The following CDK17 variants were observed in gnomAD, a reference collection of about 807,000 sequenced individuals.
The protein encoded by CDK17 is cyclin dependent kinase 17.
A neutral mutation model predicts 77.6 loss-of-function variants in CDK17; 24 were observed. The ratio of observed to expected loss-of-function variants is 0.31; its 90% confidence interval spans 0.22 to 0.44. The LOEUF is 0.44. CDK17 is among the 20% of genes least tolerant of loss of function. The pLI, the probability that CDK17 is intolerant of heterozygous loss-of-function variation, is 1.00. For missense variants in CDK17, 429 were observed against 622.5 expected, an observed-to-expected ratio of 0.69 and a Z score of 3.31; for synonymous variants, 203 against 210.4, an observed-to-expected ratio of 0.96 and a Z score of 0.30.
chr12:96,367,344 C>CAAAAAAA (rs56689330), intron 1 of CDK17, among the ~76,000 whole-genome samples: 2 of 63,484 alleles, frequency 3.2e-5, no homozygotes, highest in Non-Finnish European at 2.7e-5. Context: ...GACTCCACCT[C>CAAAAAAA]AAAAAAAAAA....
intron 7 of CDK17, 65 bp from the exon 8 acceptor site, chr12:96,297,786 G>A: frequency 1.2e-6 from 1 of 823,112 alleles, no homozygotes; most frequent in African/African-American, 1.7e-5. Context: ...GAAGTAAGTT[G>A]AACATACGAA....
At chr12:96,393,759 TACTC>T (rs934385884) in intron 1 of CDK17, among the ~76,000 whole-genome samples, 34 of 149,350 alleles carry the variant, frequency 2.3e-4, no homozygotes, top group African/African-American at 6.8e-4. Flanking sequence ...CACACACACA[TACTC>T]AATGAAAAGC....
chr12:96,360,930 T>C (rs563064804), intron 1 of CDK17, among the ~76,000 whole-genome samples: 38 of 152,038 alleles, frequency 2.5e-4, no homozygotes, highest in African/African-American at 5.1e-4. Context: ...ACCAGGAAAA[T>C]TGGAGAACTG....
At chr12:96,361,210 G>C (rs1953488226) in intron 1 of CDK17, among the ~76,000 whole-genome samples, 2 of 152,202 alleles carry the variant, frequency 1.3e-5, no homozygotes, top group Non-Finnish European at 2.9e-5. Flanking sequence ...GAGGGGATGT[G>C]ATGAAGATGG....
At chr12:96,347,596 G>A (rs1953236314) in intron 1 of CDK17, among the ~76,000 whole-genome samples, 1 of 7,814 alleles carries the variant, frequency 1.3e-4, no homozygotes, top group Non-Finnish European at 2.8e-4. Context: ...GGGAGGGGAA[G>A]GGAGGGGAAG....
At chr12:96,281,807 G>C (rs1341952022) in intron 15 of CDK17, 1 of 152,102 alleles carries the variant, frequency 6.6e-6, no homozygotes, top group Non-Finnish European at 1.5e-5. Context: ...AATTAGCTTT[G>C]TCACTGACTG....
At chr12:96,347,297 C>G (rs987607128) in intron 1 of CDK17, among the ~76,000 whole-genome samples, 5 of 151,884 alleles carry the variant, frequency 3.3e-5, no homozygotes, top group African/African-American at 1.2e-4. Context: ...GGTGTGGTGG[C>G]TCATGCCTGT....
At chr12:96,321,860 G>A (rs1298733087) in intron 3 of CDK17, among the ~76,000 whole-genome samples, 1 of 138,786 alleles carries the variant, frequency 7.2e-6, no homozygotes, top group Non-Finnish European at 1.6e-5. Flanking sequence ...CCTAAGGCTA[G>A]ATGACGAGTT....
At chr12:96,377,068 A>G (rs1953791727) in intron 1 of CDK17, among the ~76,000 whole-genome samples, 1 of 152,192 alleles carries the variant, frequency 6.6e-6, no homozygotes, top group Non-Finnish European at 1.5e-5. Flanking sequence ...AATCACCTAT[A>G]TGGCCACAAC....
chr12:96,335,134 A>C (rs1953024724), intron 1 of CDK17: 1 of 471,610 alleles, frequency 2.1e-6, no homozygotes, highest in Non-Finnish European at 4.0e-6. Context: ...GAAGGATTGG[A>C]AATTTTCTTA....
intron 10 of CDK17, among the ~76,000 whole-genome samples, chr12:96,291,266 T>C (rs1385596646): frequency 6.6e-6 from 1 of 152,050 alleles, no homozygotes; most frequent in Non-Finnish European, 1.5e-5. Flanking sequence ...GCACTCAGAG[T>C]ATTCCCTGAT....
intron 2 of CDK17, among the ~76,000 whole-genome samples, chr12:96,324,452 T>C (rs1310791479): frequency 2.6e-5 from 4 of 152,186 alleles, no homozygotes; most frequent in Non-Finnish European, 4.4e-5. Context: ...CCTCCATTTA[T>C]TGACTACCTG....
Position 96,400,294 on chromosome 12 carries a change from G to C in CDK17, c.-338C>G, listed in dbSNP as rs2137261445. 7.7e-6 allele frequency: 3 copies of C among 390,514 alleles called. No homozygotes were observed. The highest frequency in any genetic ancestry group is 1.4e-5 in the Non-Finnish European group (3 of 220,732). 24.2% of individuals were successfully genotyped at this position (390,514 alleles called of 1,614,324 possible). A position where few individuals can be genotyped will look rare whatever the true frequency, so the allele number is the denominator to read the frequency against. On this transcript the variant is annotated 5_prime_UTR_variant, in exon 1 of 17. Coordinates refer to ENST00000261211, the MANE Select transcript of CDK17 (RefSeq NM_002595.5). ...GAGCAGCCGGGCGCGAGCGCGGCGG[G>C]CGCCGACGGCGGGCTGAGACTGTCT...
intron 13 of CDK17, among the ~76,000 whole-genome samples, chr12:96,284,161 A>G (rs1157763763): frequency 6.6e-6 from 1 of 152,180 alleles, no homozygotes; most frequent in Admixed American, 6.5e-5. Flanking sequence ...AATATGCTAC[A>G]ATAACTTCAT....
chr12:96,396,696 A>G (rs1423180471), intron 1 of CDK17, among the ~76,000 whole-genome samples: 3 of 152,202 alleles, frequency 2.0e-5, no homozygotes, highest in African/African-American at 7.2e-5. Context: ...TAAACAGGTA[A>G]AATTCCCTAG....
At chr12:96,301,862 A>G (rs1952510886) in intron 5 of CDK17, among the ~76,000 whole-genome samples, 1 of 152,156 alleles carries the variant, frequency 6.6e-6, no homozygotes, top group African/African-American at 2.4e-5. Context: ...TGAATGGCCA[A>G]AAGTAGCAGA....
intron 1 of CDK17, among the ~76,000 whole-genome samples, chr12:96,361,827 TCA>T (rs1278736673): frequency 2.0e-5 from 3 of 152,364 alleles, no homozygotes; most frequent in Middle Eastern, 3.4e-3. Flanking sequence ...CTTGAAACTC[TCA>T]CTTATTCAAA....
intron 5 of CDK17, among the ~76,000 whole-genome samples, chr12:96,301,708 A>AT (rs1206412635): frequency 6.6e-6 from 1 of 152,168 alleles, no homozygotes; most frequent in African/African-American, 2.4e-5. Context: ...ATTATGCCAG[A>AT]TGATTAAACG....
At chr12:96,378,146 A>T (rs1247851784) in intron 1 of CDK17, among the ~76,000 whole-genome samples, 3 of 152,210 alleles carry the variant, frequency 2.0e-5, no homozygotes, top group Admixed American at 1.3e-4. Context: ...TGTAGCTCAC[A>T]CTTGAAAGGT....
Sources: gnomAD v4.1 joint callset for allele counts (sites outside exome capture counted in the v4.1 genomes callset) on GRCh38, gnomAD v4.1.1 for gene constraint, MANE v1.5 for transcripts, NCBI Gene and HGNC (gene_info 2026-07-23, HGNC 2026-07-21) for gene names.